The following SCN1B variants were observed in gnomAD, a reference collection of about 807,000 sequenced individuals.
SCN1B encodes the protein sodium channel regulatory subunit beta-1.
A neutral mutation model predicts 25.7 loss-of-function variants in SCN1B; 11 were observed. The observed-to-expected ratio is 0.43, with a 90% CI of 0.27 to 0.71. The LOEUF is 0.71. SCN1B is among the 30% of genes least tolerant of loss of function. SCN1B has a pLI of 0.21. For missense variants in SCN1B, 224 were observed against 291.5 expected, an observed-to-expected ratio of 0.77 and a Z score of 1.69; for synonymous variants, 119 against 117.5, an observed-to-expected ratio of 1.01 and a Z score of -0.08.
chr19:35,034,491 G>T (rs1049318381), intron 3 of SCN1B: 6 of 245,488 alleles, frequency 2.4e-5, no homozygotes, highest in African/African-American at 9.0e-5. Context: ...TCTGAGGGAG[G>T]TCCGCCCCTT....
Position 35,030,780 on chromosome 19 carries a change from C to G in SCN1B, c.-41C>G, listed in dbSNP as rs1330923826. The stretch of plus-strand genomic sequence containing the variant: ...GCCGCCTCTCGCCCCGCTATTAATA[C>G]CGGCGGCCCGGGAGGGGGGCGCAGC... On this transcript the variant is annotated 5_prime_UTR_variant, in exon 1 of 6. Transcript: ENST00000262631. 1.7e-5 allele frequency: 15 copies of G among 857,804 alleles called. No individual in the cohort carries two copies. The highest frequency in any genetic ancestry group is 2.4e-5 in the Non-Finnish European group (15 of 632,986). 53.1% of individuals were successfully genotyped at this position (857,804 alleles called of 1,614,324 possible). A position where few individuals can be genotyped will look rare whatever the true frequency, so the allele number is the denominator to read the frequency against.
intron 3 of SCN1B, chr19:35,034,128 A>G (rs781506043): frequency 1.3e-6 from 2 of 1,551,380 alleles, no homozygotes; most frequent in South Asian, 1.2e-5. Context: ...GTTCATGAGG[A>G]TTGAGCAGCT....
chr19:35,033,961 AG>A, intron 3 of SCN1B: 1 of 1,552,720 alleles, frequency 6.4e-7, no homozygotes, highest in Non-Finnish European at 8.7e-7. Context: ...TGTCCCCCAC[AG>A]ACGCTCCGGG....
Position 35,032,570 on chromosome 19 carries a change from C to T in SCN1B, c.83C>T (p.Thr28Ile). The stretch of plus-strand genomic sequence containing the variant: ...GGCTGCGTGGAGGTGGACTCGGAGA[C>T]CGAGGCCGTGTATGGGATGACCTTC... ...CGGCVEVDSE[T>I]EAVYGMTFKI... Residue 28 changes from threonine to isoleucine, a missense_variant, in exon 2 of 6, where the codon ACC becomes ATC. Coordinates refer to ENST00000262631, the MANE Select transcript of SCN1B (RefSeq NM_001037.5). This position sits in a 1 kb window ranked among gnomAD's most constrained non-coding sequence, Gnocchi z 4.3. 2 of 1,614,046 alleles carry T rather than the reference C, an allele frequency of 1.2e-6. No individual in the cohort carries two copies. The highest frequency in any genetic ancestry group is 2.2e-5 in the South Asian group (2 of 91,088).
rs138450474 is a variant in SCN1B, at chr19:35,039,140, G to C, written c.472G>C (p.Val158Leu). 22 of 1,614,216 alleles carry C rather than the reference G, an allele frequency of 1.4e-5. No individual in the cohort carries two copies. The highest frequency in any genetic ancestry group is 1.8e-5 in the Non-Finnish European group (21 of 1,180,036). Reference protein sequence around the residue: ...DKANRDMASIVSEIMMYVLIV... With the variant: ...DKANRDMASILSEIMMYVLIV... Reference sequence around the variant, plus strand: ...AGCCAACAGAGACATGGCATCCATCGTGTCTGAGATCATGATGTATGTGCT... The same window carrying C: ...AGCCAACAGAGACATGGCATCCATCCTGTCTGAGATCATGATGTATGTGCT... The change falls in exon 4 of 6, where the codon GTG becomes CTG. Residue 158 changes from valine (V) to leucine (L), a missense_variant. Val to Leu is a conservative substitution (Grantham distance 32). Coordinates refer to ENST00000262631, the MANE Select transcript of SCN1B (RefSeq NM_001037.5).
Position 35,039,645 on chromosome 19 carries a change from C to T in SCN1B, c.601C>T (p.Leu201=). Reference sequence around the variant, plus strand: ...GCCTTTCCCCCACAGCTCGGAATACCTGGCCATCACCTCTGAAAGCAAAGA... The same window carrying T: ...GCCTTTCCCCCACAGCTCGGAATACTTGGCCATCACCTCTGAAAGCAAAGA... ...TAAQENASEY[L]AITSESKENC... Residue 201 remains leucine (L), a synonymous_variant, in exon 5 of 6, where the codon CTG becomes TTG. Coordinates refer to ENST00000262631, the MANE Select transcript of SCN1B (RefSeq NM_001037.5). The T allele has an allele frequency of 1.2e-6, 2 of 1,614,198 alleles. No homozygotes were observed. Among genetic ancestry groups the T allele is most frequent in the Non-Finnish European group, 1.7e-6 (2 of 1,180,018 alleles).
At position 35,032,728 on chromosome 19, in the gene SCN1B, A is replaced by G; in HGVS notation, c.207+34A>G. 2 of 1,610,906 alleles carry G rather than the reference A, an allele frequency of 1.2e-6. No homozygotes were observed. The highest frequency in any genetic ancestry group is 1.7e-6 in the Non-Finnish European group (2 of 1,179,064). Reference sequence around the variant, plus strand: ...GTGCCGGGAACGGGCATGGGAGGGCAGGGGTCCACGAGTGGGAGGCGGTGG... The same window carrying G: ...GTGCCGGGAACGGGCATGGGAGGGCGGGGGTCCACGAGTGGGAGGCGGTGG... On this transcript the variant is annotated intron_variant, in intron 2 of 5. Transcript: ENST00000262631. This position sits in a 1 kb window ranked among gnomAD's most constrained non-coding sequence, Gnocchi z 4.3.
chr19:35,036,009 C>CA (rs1261793125), intron 3 of SCN1B: 1 of 151,146 alleles, frequency 6.6e-6, no homozygotes, highest in Non-Finnish European at 1.5e-5. Flanking sequence ...GCTGGGACTA[C>CA]AGGTGTGAGC....
chr19:35,035,825 T>A (rs1365795184), intron 3 of SCN1B: 1 of 152,180 alleles, frequency 6.6e-6, no homozygotes, highest in East Asian at 1.9e-4. Flanking sequence ...TATTTTATAT[T>A]ACACAATATA....
intron 3 of SCN1B, chr19:35,036,688 C>T (rs921893859): frequency 6.6e-6 from 1 of 151,964 alleles, no homozygotes; most frequent in Non-Finnish European, 1.5e-5. Flanking sequence ...CCACCTCAGC[C>T]TCCCAAAGTG....
intron 3 of SCN1B, chr19:35,036,565 T>C (rs917385104): frequency 1.3e-5 from 2 of 151,596 alleles, no homozygotes; most frequent in African/African-American, 4.9e-5. Flanking sequence ...CCCAAGTAGG[T>C]GGGATTACAG....
At chr19:35,035,718 A>G (rs2064243702) in intron 3 of SCN1B, 1 of 152,158 alleles carries the variant, frequency 6.6e-6, no homozygotes, top group Admixed American at 6.5e-5. Flanking sequence ...TTTCTGCACT[A>G]TCCACCCAGT....
chr19:35,037,079 C>T (rs111681502), intron 3 of SCN1B: 1 of 152,168 alleles, frequency 6.6e-6, no homozygotes, highest in Non-Finnish European at 1.5e-5. Flanking sequence ...TATCCACCAT[C>T]TCGCTGCAAT....
chr19:35,040,254 C>G lies in SCN1B; in HGVS notation c.*463C>G, dbSNP rs1478495931. 6.1e-6 allele frequency: 1 copy of G among 164,706 alleles called. No homozygotes were observed. The highest frequency in any genetic ancestry group is 1.3e-5 in the Non-Finnish European group (1 of 74,652). The allele number at this position is 164,706 out of a possible 1,614,324, so 10.2% of individuals were successfully genotyped here. A position where few individuals can be genotyped will look rare whatever the true frequency, so the allele number is the denominator to read the frequency against. On this transcript the variant is annotated 3_prime_UTR_variant, in exon 6 of 6. Transcript: ENST00000262631. ...GGTTCTGGGACCCACTCCGACTCCC[C>G]CTCCCCGGCATCATTTCCCCTCCCG...
In SCN1B at chr19:35,032,832, C is replaced by T; in HGVS notation, c.207+138C>T. The stretch of plus-strand genomic sequence containing the variant: ...ACCTGGATTCAGATTCTGGCTCCAC[C>T]AGTGGCCAGCTGGTGACCTTGGCCA... On this transcript the variant is annotated intron_variant, in intron 2 of 5. Transcript: ENST00000262631. The surrounding 1 kb of genome is among the most constrained non-coding windows in gnomAD (Gnocchi z 4.3). 9.4e-7 allele frequency: 1 copy of T among 1,065,184 alleles called. No homozygotes were observed. The highest frequency in any genetic ancestry group is 1.4e-6 in the Non-Finnish European group (1 of 726,746). The allele number at this position is 1,065,184 out of a possible 1,614,324, so 66.0% of individuals were successfully genotyped here.
Position 35,034,050 on chromosome 19 carries a change from G to A in SCN1B, c.448+311G>A, listed in dbSNP as rs1019053238. 1.0e-5 allele frequency: 16 copies of A among 1,550,612 alleles called. No individual in the cohort carries two copies. Among genetic ancestry groups the A allele is most frequent in the East Asian group, 4.9e-5 (2 of 40,926 alleles). ...TGTCTCTGAGCCAAAGGGTTGTCCT[G>A]GGCTTGCCCGGGATAATAATCCGAT... On this transcript the variant is annotated intron_variant, in intron 3 of 5. Transcript: ENST00000262631.
At chr19:35,031,661 C>G (rs1194540182) in intron 1 of SCN1B, 2 of 152,416 alleles carry the variant, frequency 1.3e-5, no homozygotes, top group African/African-American at 4.8e-5. Context: ...TGAAAGGGAC[C>G]GCAGGGGAGG....
At position 35,039,110 on chromosome 19, in the gene SCN1B, C is replaced by A. The variant is rs771578184; in HGVS notation, c.449-7C>A. On this transcript the variant is annotated splice_region_variant and splice_polypyrimidine_tract_variant and intron_variant, in intron 3 of 5. Coordinates refer to ENST00000262631, the MANE Select transcript of SCN1B (RefSeq NM_001037.5). ...GCTACCCCCTTAACCCTGCCTGGCCCCTGCAGCCAACAGAGACATGGCATC... is the reference window on the plus strand; with the variant it reads ...GCTACCCCCTTAACCCTGCCTGGCCACTGCAGCCAACAGAGACATGGCATC... 1 of 1,614,174 alleles carries A rather than the reference C, an allele frequency of 6.2e-7. No individual in the cohort carries two copies. The highest frequency in any genetic ancestry group is 2.2e-5 in the East Asian group (1 of 44,886).
In SCN1B at chr19:35,039,777, C is replaced by G; in HGVS notation, c.*6-20C>G. ...GAAGTCCCCCAGGTCCCTAATTCCC[C>G]CTCTCTTGCTCCCCTTCAGGCCCTG... is the stretch of plus-strand genomic sequence containing the variant. On this transcript the variant is annotated intron_variant, in intron 5 of 5. Transcript: ENST00000262631. The G allele has an allele frequency of 6.8e-7, 1 of 1,478,328 alleles. No individual in the cohort carries two copies. Among genetic ancestry groups the G allele is most frequent in the Non-Finnish European group, 9.4e-7 (1 of 1,064,748 alleles). 91.6% of individuals were successfully genotyped at this position (1,478,328 alleles called of 1,614,324 possible).
Sources: gnomAD v4.1 joint callset for allele counts on GRCh38, gnomAD v4.1.1 for gene constraint, Gnocchi (gnomAD v3.1) non-coding constraint, MANE v1.5 for transcripts, NCBI Gene and HGNC (gene_info 2026-07-23, HGNC 2026-07-21) for gene names.